The following ULK2 variants were observed in gnomAD, a reference collection of about 807,000 sequenced individuals.
ULK2 encodes the protein unc-51 like autophagy activating kinase 2.
In ULK2, 76 loss-of-function variants were observed where a neutral mutation model predicts 127.5. The observed-to-expected ratio is 0.60, with a 90% CI of 0.50 to 0.72. The LOEUF (loss-of-function observed/expected upper bound fraction) is 0.72. ULK2 is among the 30% of genes least tolerant of loss of function. The pLI is 0.00. For missense variants in ULK2, 1,144 were observed against 1,295.9 expected (o/e 0.88, Z 1.80); for synonymous variants, 452 against 461.9 (o/e 0.98, Z 0.28).
intron 2 of ULK2, 105 bp downstream of exon 2, chr17:19,865,631 T>C (rs2042336294): frequency 1.7e-6 from 1 of 593,792 alleles, no homozygotes; most frequent in African/African-American, 2.0e-5. Context: ...CAGTTGAAAA[T>C]TCTCAAACTT....
chr17:19,833,695 G>C (rs774100508), intron 10 of ULK2, among the ~76,000 whole-genome samples: 33 of 152,186 alleles, frequency 2.2e-4, no homozygotes, highest in Non-Finnish European at 4.4e-5. Flanking sequence ...AAAATCTGGA[G>C]TTAAAAAGTA....
chr17:19,814,901 GA>G (rs2040947787), intron 13 of ULK2, among the ~76,000 whole-genome samples: 1 of 152,090 alleles, frequency 6.6e-6, no homozygotes, highest in Non-Finnish European at 1.5e-5. Context: ...AATCAGTAGG[GA>G]AATGGATAAA....
intron 3 of ULK2, among the ~76,000 whole-genome samples, chr17:19,859,475 T>C (rs73301982): frequency 0.016 from 2,402 of 152,290 alleles, 75 homozygotes; most frequent in African/African-American, 0.054. Flanking sequence ...GCTGAGACTG[T>C]CGCTGCACTC....
intron 7 of ULK2, among the ~76,000 whole-genome samples, chr17:19,844,458 A>G (rs952500202): frequency 6.6e-6 from 1 of 152,066 alleles, no homozygotes; most frequent in Non-Finnish European, 1.5e-5. Flanking sequence ...TTCCCTAGTA[A>G]ATTTCTTATT....
intron 3 of ULK2, among the ~76,000 whole-genome samples, chr17:19,861,463 T>G (rs919800746): frequency 6.6e-6 from 1 of 151,870 alleles, no homozygotes; most frequent in Non-Finnish European, 1.5e-5. Context: ...GAGAATGGCG[T>G]GAACCCAGGA....
At position 19,815,214 on chromosome 17, in the gene ULK2, A is replaced by G. The variant is rs150015991; in HGVS notation, c.1096+1535T>C. 9.5e-4 allele frequency among the ~76,000 whole-genome samples: 145 copies of G among 152,278 alleles called. 1 individual carries two copies. Among genetic ancestry groups the G allele is most frequent in the Non-Finnish European group, 3.1e-4 (21 of 68,010 alleles). ...GAATATACCCCTAGCAAGAGCAGAAAGAGAAAAGGCACTTTAGCTGTACTT... is the reference window on the plus strand; with the variant it reads ...GAATATACCCCTAGCAAGAGCAGAAGGAGAAAAGGCACTTTAGCTGTACTT... On this transcript the variant is annotated intron_variant, in intron 13 of 26. Coordinates refer to ENST00000395544, the MANE Select transcript of ULK2 (RefSeq NM_014683.4).
At chr17:19,844,071 A>T (rs980280363) in intron 7 of ULK2, among the ~76,000 whole-genome samples, 2 of 152,118 alleles carry the variant, frequency 1.3e-5, no homozygotes, top group Admixed American at 6.6e-5. Flanking sequence ...TGTTTTTTGT[A>T]ATCTGAATAC....
intron 12 of ULK2, among the ~76,000 whole-genome samples, chr17:19,823,342 C>A (rs2041208422): frequency 6.6e-6 from 1 of 151,990 alleles, no homozygotes; most frequent in South Asian, 2.1e-4. Flanking sequence ...CCTAGCCTGG[C>A]TCCTATTTTG....
At chr17:19,826,094 C>T in intron 11 of ULK2, 45 bp downstream of exon 11, 1 of 1,177,058 alleles carries the variant, frequency 8.5e-7, no homozygotes, top group Non-Finnish European at 1.1e-6. Context: ...TTTCCTAAAG[C>T]TTGCATTCAT....
intron 7 of ULK2, among the ~76,000 whole-genome samples, chr17:19,844,572 T>A (rs544473426): frequency 6.6e-6 from 1 of 151,812 alleles, no homozygotes; most frequent in Non-Finnish European, 1.5e-5. Context: ...TATAAAATTA[T>A]AAAATTATAT....
chr17:19,793,753 C>T (rs2087207156), intron 20 of ULK2, among the ~76,000 whole-genome samples: 1 of 152,154 alleles, frequency 6.6e-6, no homozygotes, highest in African/African-American at 2.4e-5. Flanking sequence ...AAAAACCTCA[C>T]ACTAAAGGCC....
At chr17:19,790,891 C>A (rs1280375935) in intron 20 of ULK2, among the ~76,000 whole-genome samples, 2 of 152,138 alleles carry the variant, frequency 1.3e-5, no homozygotes, top group Non-Finnish European at 2.9e-5. Context: ...GATTTCAAGA[C>A]AAAAACCATA....
chr17:19,809,127 G>A (rs1020213043), intron 14 of ULK2, among the ~76,000 whole-genome samples: 1 of 152,144 alleles, frequency 6.6e-6, no homozygotes, highest in South Asian at 2.1e-4. Context: ...CCACAACATG[G>A]ATGAACCTTA....
In ULK2 at chr17:19,777,562, A is replaced by G; in HGVS notation, c.3052+19T>C. On this transcript the variant is annotated intron_variant, in intron 26 of 26. Coordinates refer to ENST00000395544, the MANE Select transcript of ULK2 (RefSeq NM_014683.4). ...CTAAAATGAAGTAAAAAAATACACT[A>G]CTTTGTAAGTCAACTTACATTTATG... 6.3e-7 allele frequency: 1 copy of G among 1,591,648 alleles called. No individual in the cohort carries two copies. Among genetic ancestry groups the G allele is most frequent in the Non-Finnish European group, 8.5e-7 (1 of 1,171,540 alleles).
At chr17:19,785,160 A>G (rs945703583) in intron 21 of ULK2, among the ~76,000 whole-genome samples, 1 of 152,184 alleles carries the variant, frequency 6.6e-6, no homozygotes, top group Non-Finnish European at 1.5e-5. Context: ...ATATAGGATT[A>G]AGTGCAAAGA....
chr17:19,856,540 C>A (rs994108131), intron 3 of ULK2, among the ~76,000 whole-genome samples: 1 of 151,752 alleles, frequency 6.6e-6, no homozygotes, highest in Non-Finnish European at 1.5e-5. Context: ...CGAGATCGCG[C>A]CACTGCACTC....
intron 21 of ULK2, among the ~76,000 whole-genome samples, chr17:19,785,515 C>A (rs2087009689): frequency 6.6e-6 from 1 of 151,374 alleles, no homozygotes; most frequent in South Asian, 2.1e-4. Flanking sequence ...CCTCACCTAG[C>A]CAAAACAAGT....
intron 7 of ULK2, among the ~76,000 whole-genome samples, chr17:19,844,548 A>C (rs756213784): frequency 2.0e-5 from 3 of 151,994 alleles, no homozygotes; most frequent in African/African-American, 4.8e-5. Flanking sequence ...AGTACAAAGT[A>C]ATTTTAAAAT....
chr17:19,782,297 T>G (rs903224983), intron 22 of ULK2, among the ~76,000 whole-genome samples: 1 of 152,140 alleles, frequency 6.6e-6, no homozygotes, highest in Admixed American at 6.5e-5. Context: ...AGTACCCACA[T>G]AAGTAAACTC....
Sources: allele counts gnomAD v4.1 joint callset (sites outside exome capture counted in the v4.1 genomes callset), GRCh38; gene constraint gnomAD v4.1.1; transcripts MANE v1.5; gene names NCBI Gene and HGNC (gene_info 2026-07-23, HGNC 2026-07-21).